Variants in EYA2 observed in about 807,000 individuals in gnomAD.
The protein encoded by EYA2 is EYA transcriptional coactivator and phosphatase 2, also known as protein phosphatase EYA2.
Under a neutral mutation model 69.2 loss-of-function variants are expected in EYA2, and 31 were observed. That is an observed-to-expected ratio of 0.45 (90% confidence interval 0.34 to 0.60). The LOEUF (loss-of-function observed/expected upper bound fraction) is 0.60. EYA2 is among the 20% of genes least tolerant of loss of function. The pLI is 0.02. For synonymous variants in EYA2, 257 were observed against 279.4 expected, an observed-to-expected ratio of 0.92 and a Z score of 0.80; for missense variants, 622 against 701.2, an observed-to-expected ratio of 0.89 and a Z score of 1.28.
chr20:47,110,016 G>C (rs762156267), intron 9 of EYA2, among the ~76,000 whole-genome samples: 1 of 152,184 alleles, frequency 6.6e-6, no homozygotes, highest in African/African-American at 2.4e-5. Context: ...GGCTTCCTCA[G>C]CTCCGCATCA....
At chr20:47,053,876 G>C (rs1568748209) in intron 5 of EYA2, among the ~76,000 whole-genome samples, 1 of 151,766 alleles carries the variant, frequency 6.6e-6, no homozygotes, top group Non-Finnish European at 1.5e-5. Flanking sequence ...GAGGCAGTCA[G>C]GTTAGGATCC....
intron 5 of EYA2, among the ~76,000 whole-genome samples, chr20:47,036,353 T>C (rs2146406611): frequency 6.6e-6 from 1 of 152,258 alleles, no homozygotes; most frequent in Admixed American, 6.5e-5. Flanking sequence ...GAACAAAGTA[T>C]CAAATTTTGA....
At chr20:47,071,084 G>T (rs865870900) in intron 5 of EYA2, among the ~76,000 whole-genome samples, 1 of 151,812 alleles carries the variant, frequency 6.6e-6, no homozygotes, top group Non-Finnish European at 1.5e-5. Context: ...GTCTTGGCTC[G>T]CTGCTACCTC....
intron 10 of EYA2, among the ~76,000 whole-genome samples, chr20:47,152,250 A>G (rs1310773425): frequency 6.6e-6 from 1 of 151,772 alleles, no homozygotes; most frequent in East Asian, 2.0e-4. Flanking sequence ...CATTTGCTAG[A>G]TCCTCTAGTC....
At chr20:47,173,822 A>G (rs1039416932) in intron 12 of EYA2, among the ~76,000 whole-genome samples, 4 of 152,120 alleles carry the variant, frequency 2.6e-5, no homozygotes, top group Non-Finnish European at 5.9e-5. Context: ...TCTCATTGGA[A>G]CCACCCAGGG....
At chr20:47,150,130 A>G (rs544660710) in intron 10 of EYA2, among the ~76,000 whole-genome samples, 10 of 152,174 alleles carry the variant, frequency 6.6e-5, no homozygotes, top group Non-Finnish European at 1.0e-4. Flanking sequence ...CAGGGAGTCA[A>G]TGGTCGCACA....
intron 1 of EYA2, among the ~76,000 whole-genome samples, chr20:46,971,861 G>A (rs1320428839): frequency 2.0e-5 from 3 of 152,070 alleles, no homozygotes; most frequent in Admixed American, 6.5e-5. Context: ...TATTCATTTC[G>A]CTGGTACTCA....
At chr20:46,987,996 ATG>A (rs1430329229) in intron 1 of EYA2, among the ~76,000 whole-genome samples, 5 of 75,588 alleles carry the variant, frequency 6.6e-5, no homozygotes, top group Admixed American at 1.3e-4. Context: ...ATATATATAT[ATG>A]GGGCAAAAAA....
intron 5 of EYA2, among the ~76,000 whole-genome samples, chr20:47,022,677 A>C (rs1174350322): frequency 8.4e-5 from 1 of 11,858 alleles, no homozygotes; most frequent in African/African-American, 2.7e-4. Flanking sequence ...TTTTTTTTTG[A>C]GGCAGGGTCT....
At chr20:46,987,959 T>G (rs1981368602) in intron 1 of EYA2, among the ~76,000 whole-genome samples, 1 of 51,896 alleles carries the variant, frequency 1.9e-5, no homozygotes, top group Non-Finnish European at 3.4e-5. Flanking sequence ...TCTCTCTCTC[T>G]CTCTCTATAT....
intron 1 of EYA2, among the ~76,000 whole-genome samples, chr20:46,916,274 TA>T (rs1449763336): frequency 6.6e-6 from 1 of 152,110 alleles, no homozygotes; most frequent in Admixed American, 6.5e-5. Context: ...TAAACCAAAT[TA>T]AGAAGTTTTT....
At chr20:46,954,994 C>T (rs189329560) in intron 1 of EYA2, among the ~76,000 whole-genome samples, 19 of 152,302 alleles carry the variant, frequency 1.2e-4, no homozygotes, top group East Asian at 5.8e-4. Flanking sequence ...GATGTCGGCA[C>T]GTCCTGCAGG....
intron 1 of EYA2, among the ~76,000 whole-genome samples, chr20:46,986,113 A>T (rs962063031): frequency 1.3e-5 from 2 of 152,016 alleles, no homozygotes; most frequent in African/African-American, 4.8e-5. Context: ...TTTGCTAAGC[A>T]CCATACAATA....
intron 1 of EYA2, among the ~76,000 whole-genome samples, chr20:46,914,169 G>C (rs6012074): frequency 0.021 from 3,144 of 152,278 alleles, 120 homozygotes; most frequent in African/African-American, 0.072. Context: ...CACACATCAG[G>C]TCTGCTCAGT....
chr20:46,916,732 T>C (rs1203859240), intron 1 of EYA2, among the ~76,000 whole-genome samples: 1 of 151,982 alleles, frequency 6.6e-6, no homozygotes, highest in African/African-American at 2.4e-5. Context: ...AGGGGAGAGC[T>C]CGGGGTGCTA....
intron 10 of EYA2, among the ~76,000 whole-genome samples, chr20:47,145,674 G>T (rs2033685366): frequency 6.6e-6 from 1 of 152,102 alleles, no homozygotes; most frequent in Admixed American, 6.6e-5. Context: ...CAAGGCGGGT[G>T]GATCACTTGA....
intron 8 of EYA2, among the ~76,000 whole-genome samples, chr20:47,094,793 C>A (rs6012119): frequency 0.01 from 1,536 of 152,238 alleles, 31 homozygotes; most frequent in African/African-American, 0.035. Flanking sequence ...CTGTGGGAGG[C>A]CAAGTGGGGA....
intron 5 of EYA2, among the ~76,000 whole-genome samples, chr20:47,060,660 T>C (rs1029834563): frequency 6.6e-6 from 1 of 152,202 alleles, no homozygotes; most frequent in Admixed American, 6.5e-5. Context: ...GCATTCCAGT[T>C]TGCCACAGTC....
rs187815388 is a variant in EYA2, at chr20:47,022,285, A to G, written c.415+5988A>G. Among the ~76,000 whole-genome samples, 16 of 152,214 alleles carry G rather than the reference A, an allele frequency of 1.1e-4. No homozygotes were observed. The East Asian group carries it at 2.5e-3, about 24-fold the overall frequency. On this transcript the variant is annotated intron_variant, in intron 5 of 15. Coordinates refer to ENST00000327619, the MANE Select transcript of EYA2 (RefSeq NM_005244.5). ...ATTTCTATTGTTTTAAACAATGAAC[A>G]TGTATGTTTTTCTTTTTCCTGTGTT...
Sources: gnomAD v4.1 joint callset for allele counts (sites outside exome capture counted in the v4.1 genomes callset) on GRCh38, gnomAD v4.1.1 for gene constraint, MANE v1.5 for transcripts, NCBI Gene and HGNC (gene_info 2026-07-23, HGNC 2026-07-21) for gene names.